Variants in RORC observed in about 807,000 individuals in gnomAD.
The protein encoded by RORC is nuclear receptor ROR-gamma.
RORC carries 13 observed loss-of-function variants against 64.5 expected under a neutral mutation model. That is an observed-to-expected ratio of 0.20 (90% CI 0.13 to 0.32). The LOEUF (loss-of-function observed/expected upper bound fraction) is 0.32. RORC is among the 10% of genes least tolerant of loss of function. RORC has a pLI of 1.00. For synonymous variants in RORC, 277 were observed against 259.3 expected (o/e 1.07, Z -0.65); for missense variants, 468 against 669.5 (o/e 0.70, Z 3.32).
rs533836148 is a variant in RORC at position 151,807,296 on chromosome 1, C to T, written c.*176G>A. 1.2e-5 allele frequency: 7 copies of T among 585,616 alleles called. No homozygotes were observed. Among genetic ancestry groups the T allele is most frequent in the East Asian group, 5.8e-5 (2 of 34,716 alleles). The allele number at this position is 585,616 out of a possible 1,614,324, so 36.3% of individuals were successfully genotyped here. A position where few individuals can be genotyped will look rare whatever the true frequency, so the allele number is the denominator to read the frequency against. ...GCCAGCCCCACCCTCTGGCGATTGT[C>T]CCACTGCCAGGCCGGCCTGCTGACA... is the stretch of plus-strand genomic sequence containing the variant. On this transcript the variant is annotated 3_prime_UTR_variant, in exon 11 of 11. Transcript: ENST00000318247. The surrounding 1 kb of genome is among the most constrained non-coding windows in gnomAD (Gnocchi z 5.0).
intron 2 of RORC, among the ~76,000 whole-genome samples, chr1:151,819,094 C>A (rs1348525558): frequency 2.6e-5 from 4 of 152,190 alleles, no homozygotes; most frequent in Non-Finnish European, 4.4e-5. Context: ...GTGGTCCCCC[C>A]AGGACCAGGC....
At chr1:151,828,926 C>T (rs1426900548) in intron 2 of RORC, among the ~76,000 whole-genome samples, 7 of 151,416 alleles carry the variant, frequency 4.6e-5, no homozygotes, top group Non-Finnish European at 1.5e-5. Context: ...TTGCAGTGAG[C>T]CGAGATTGTG....
intron 1 of RORC, chr1:151,831,211 G>T: frequency 1.0e-6 from 1 of 985,858 alleles, no homozygotes; most frequent in Non-Finnish European, 1.3e-6. Flanking sequence ...AGCTGACAGG[G>T]TGTGGTTCCC....
At position 151,815,043 on chromosome 1, in the gene RORC, G is replaced by A. The variant is rs367788609; in HGVS notation, c.681C>T (p.Asp227=). The change falls in exon 5 of 11, where the codon GAC becomes GAT. Residue 227 remains aspartate, a synonymous_variant. Coordinates refer to ENST00000318247, the MANE Select transcript of RORC (RefSeq NM_005060.4). ...FYSTGSQLTP[D]RCGLRFEEHR... ...GTTCCTCAAAACGAAGTCCACATCG[G>A]TCAGGGGTCAGCTGGCTGCCTGTGC... The A allele has an allele frequency of 1.6e-5, 26 of 1,614,228 alleles. No individual in the cohort carries two copies. Among genetic ancestry groups the A allele is most frequent in the East Asian group, 2.2e-5 (1 of 44,886 alleles).
chr1:151,821,939 C>T (rs1652007133), intron 2 of RORC, among the ~76,000 whole-genome samples: 1 of 152,172 alleles, frequency 6.6e-6, no homozygotes, highest in Non-Finnish European at 1.5e-5. Context: ...GCCCTTACCC[C>T]TTTCTCTAAG....
intron 3 of RORC, 128 bp from the exon 4 acceptor site, chr1:151,816,933 C>T (rs1651777462): frequency 9.4e-7 from 1 of 1,068,592 alleles, no homozygotes; most frequent in Admixed American, 3.2e-5. Context: ...CTCTCTCCTC[C>T]ATCTATTTGT....
chr1:151,820,196 G>C (rs1651932325), intron 2 of RORC, among the ~76,000 whole-genome samples: 1 of 151,954 alleles, frequency 6.6e-6, no homozygotes, highest in Non-Finnish European at 1.5e-5. Context: ...CAGAAAGAAA[G>C]TACCAGTGCT....
At chr1:151,817,411 C>T in intron 2 of RORC, 131 bp from the exon 3 acceptor site, 1 of 656,530 alleles carries the variant, frequency 1.5e-6, no homozygotes, top group South Asian at 1.8e-5. Flanking sequence ...TGCTGTTTCC[C>T]TCTTGCAAAA....
At chr1:151,819,452 C>A (rs1401290982) in intron 2 of RORC, among the ~76,000 whole-genome samples, 3 of 152,188 alleles carry the variant, frequency 2.0e-5, no homozygotes, top group Non-Finnish European at 4.4e-5. Context: ...GCCCTGTGGA[C>A]TCTGTTCTTG....
chr1:151,830,819 TTG>T lies in RORC; in HGVS notation c.40+904_40+905del. 4.8e-6 allele frequency: 1 copy of T among 210,078 alleles called. No individual in the cohort carries two copies. The highest frequency in any genetic ancestry group is 9.1e-6 in the Non-Finnish European group (1 of 109,876). 13.0% of individuals were successfully genotyped at this position (210,078 alleles called of 1,614,324 possible). On this transcript the variant is annotated intron_variant, in intron 1 of 10. Transcript: ENST00000318247. The surrounding 1 kb of genome is among the most constrained non-coding windows in gnomAD (Gnocchi z 4.0). ...CCCACCCAGCCCCGCCCACCTCCCC[TTG>T]CTCCTGCCTGGCCCCACCCAGCTTC... is the stretch of plus-strand genomic sequence containing the variant.
In RORC at chr1:151,829,194, G is replaced by GT. The variant is rs558017763; in HGVS notation, c.70+234dup. 2.8e-3 allele frequency among the ~76,000 whole-genome samples: 401 copies of GT among 142,268 alleles called. 2 individuals are homozygous for GT. Among genetic ancestry groups the GT allele is most frequent in the African/African-American group, 0.01 (392 of 38,146 alleles). The allele number at this position is 142,268 out of a possible 152,430, so 93.3% of individuals were successfully genotyped here. A position where few individuals can be genotyped will look rare whatever the true frequency, so the allele number is the denominator to read the frequency against. Reference sequence around the variant, plus strand: ...TCACAAGGCGGTTCCCTTTTCCTTTGTTCTCTCCTGGTTTCTTTACAGTGT... The same window carrying GT: ...TCACAAGGCGGTTCCCTTTTCCTTTGTTTCTCTCCTGGTTTCTTTACAGTGT... On this transcript the variant is annotated intron_variant, in intron 2 of 10. Coordinates refer to ENST00000318247, the MANE Select transcript of RORC (RefSeq NM_005060.4).
In RORC at chr1:151,813,077, A is replaced by T; in HGVS notation, c.1175-20T>A. On this transcript the variant is annotated intron_variant, in intron 8 of 10. Transcript: ENST00000318247. ...TGCAGCCTGATGGAGTGGAAATGAG[A>T]AAAGTGAGAGAGTGGCTGGAGCGAT... 1 of 1,586,238 alleles carries T rather than the reference A, an allele frequency of 6.3e-7. No homozygotes were observed. The highest frequency in any genetic ancestry group is 8.7e-7 in the Non-Finnish European group (1 of 1,154,710).
Position 151,830,613 on chromosome 1 carries a change from A to T in RORC, c.40+1112T>A, listed in dbSNP as rs1206915273. ...TTTCCTTCTGCTGTTCAGTCTTGAC[A>T]CCTGACATACACACACACACACACA... On this transcript the variant is annotated intron_variant, in intron 1 of 10. Coordinates refer to ENST00000318247, the MANE Select transcript of RORC (RefSeq NM_005060.4). The surrounding 1 kb of genome is among the most constrained non-coding windows in gnomAD (Gnocchi z 4.0). Among the ~76,000 whole-genome samples the T allele has an allele frequency of 2.3e-5, 1 of 44,016 alleles. No homozygotes were observed. The highest frequency in any genetic ancestry group is 6.1e-5 in the Non-Finnish European group (1 of 16,304). The allele number at this position is 44,016 out of a possible 152,430, so 28.9% of individuals were successfully genotyped here. A position where few individuals can be genotyped will look rare whatever the true frequency, so the allele number is the denominator to read the frequency against.
At position 151,806,918 on chromosome 1, in the gene RORC, A is replaced by C. The variant is rs1651334543; in HGVS notation, c.*554T>G. The C allele has an allele frequency of 6.6e-6, 1 of 152,488 alleles. No homozygotes were observed. Among genetic ancestry groups the C allele is most frequent in the Non-Finnish European group, 1.5e-5 (1 of 68,100 alleles). The allele number at this position is 152,488 out of a possible 1,614,324, so 9.4% of individuals were successfully genotyped here. Reference sequence around the variant, plus strand: ...CAGGTAAAGGGTAGGGTGCCCAAATACTTCCTTGCTGAGCTGGGAGGAAGG... The same window carrying C: ...CAGGTAAAGGGTAGGGTGCCCAAATCCTTCCTTGCTGAGCTGGGAGGAAGG... On this transcript the variant is annotated 3_prime_UTR_variant, in exon 11 of 11. Transcript: ENST00000318247.
chr1:151,826,271 T>A (rs752294087), intron 2 of RORC, among the ~76,000 whole-genome samples: 6 of 152,086 alleles, frequency 3.9e-5, no homozygotes, highest in Non-Finnish European at 5.9e-5. Flanking sequence ...CAAAACCACA[T>A]GCGACAGCCA....
At chr1:151,828,219 G>A (rs558150064) in intron 2 of RORC, among the ~76,000 whole-genome samples, 2 of 152,280 alleles carry the variant, frequency 1.3e-5, no homozygotes, top group East Asian at 1.9e-4. Flanking sequence ...GGCATTGGGC[G>A]AGATGGCAGT....
chr1:151,817,345 T>C, intron 2 of RORC, 65 bp from the exon 3 acceptor site: 1 of 1,120,912 alleles, frequency 8.9e-7, no homozygotes, highest in Non-Finnish European at 1.4e-6. Context: ...ACCATGTACC[T>C]GGGCTGCAGA....
chr1:151,831,179 A>G (rs1443196160), intron 1 of RORC: 9 of 1,210,814 alleles, frequency 7.4e-6, no homozygotes, highest in East Asian at 1.2e-4. Flanking sequence ...CGAGGAAAGG[A>G]CCAGGCTACG....
chr1:151,820,200 C>G (rs982305569), intron 2 of RORC, among the ~76,000 whole-genome samples: 1 of 151,828 alleles, frequency 6.6e-6, no homozygotes, highest in African/African-American at 2.4e-5. Context: ...AAGAAAGTAC[C>G]AGTGCTGTGT....
Sources: gnomAD v4.1 joint callset for allele counts (sites outside exome capture counted in the v4.1 genomes callset) on GRCh38, gnomAD v4.1.1 for gene constraint, Gnocchi (gnomAD v3.1) non-coding constraint, MANE v1.5 for transcripts, NCBI Gene and HGNC (gene_info 2026-07-23, HGNC 2026-07-21) for gene names.